Variants in FAM120C observed in about 807,000 individuals in gnomAD.
FAM120C encodes the protein constitutive coactivator of PPAR-gamma-like protein 2.
In FAM120C, 14 loss-of-function variants were observed where a neutral mutation model predicts 71.2. The ratio of observed to expected loss-of-function variants is 0.20; its 90% CI spans 0.13 to 0.31. The LOEUF (loss-of-function observed/expected upper bound fraction) is 0.31, where lower values mean the gene tolerates loss of function less well. Among genes scored for constraint, FAM120C ranks in the 10% least tolerant of loss-of-function variants. The pLI is 1.00. For missense variants in FAM120C, 500 were observed against 879.0 expected, an observed-to-expected ratio of 0.57 and a Z score of 5.45; for synonymous variants, 354 against 353.2, an observed-to-expected ratio of 1.00 and a Z score of -0.03.
chrX:54,079,587 C>T (rs1380869012), intron 15 of FAM120C, among the ~76,000 whole-genome samples: 57 of 112,037 alleles, frequency 5.1e-4, no homozygotes, highest in Non-Finnish European at 6.4e-4. Context: ...TGCCTGAGGT[C>T]GGGAGTTCGA....
chrX:54,159,470 C>T lies in FAM120C; in HGVS notation c.846G>A (p.Trp282Ter). ...GGTTGGTAGTGAGGTTCTTCCCATTCCAGCTCAGTTTCAGAGCATGGGAAC... is the reference window on the plus strand; with the variant it reads ...GGTTGGTAGTGAGGTTCTTCCCATTTCAGCTCAGTTTCAGAGCATGGGAAC... Reference protein sequence around the residue: ...YYSSHALKLSWNGKNLTTNQF... With the variant: ...YYSSHALKLS The change falls in exon 2 of 16, where the codon TGG becomes TGA. Residue 282 changes from tryptophan to a stop codon, truncating the protein, a stop_gained. Transcript: ENST00000375180. LOFTEE classifies it high-confidence loss of function. 8.3e-7 allele frequency: 1 copy of T among 1,211,331 alleles called. No homozygotes were observed. Among genetic ancestry groups the T allele is most frequent in the Non-Finnish European group, 1.1e-6 (1 of 895,384 alleles).
chrX:54,101,392 G>C (rs948741025), intron 10 of FAM120C, among the ~76,000 whole-genome samples: 3 of 111,752 alleles, frequency 2.7e-5, no homozygotes, highest in African/African-American at 6.5e-5. Flanking sequence ...CTGAAGTGCC[G>C]TTAGGGCCTT....
intron 9 of FAM120C, among the ~76,000 whole-genome samples, chrX:54,118,960 C>T (rs1420187081): frequency 3.2e-5 from 1 of 31,117 alleles, no homozygotes; most frequent in Admixed American, 4.7e-4. Flanking sequence ...TGAGAATATG[C>T]GGTGTTTGGT....
intron 9 of FAM120C, among the ~76,000 whole-genome samples, chrX:54,124,682 C>G (rs1219872677): frequency 1.8e-5 from 2 of 108,318 alleles, no homozygotes; most frequent in African/African-American, 3.4e-5. Flanking sequence ...CCGTCTTCTG[C>G]GTCGCTCACG....
At chrX:54,170,982 C>T (rs1422317005) in intron 1 of FAM120C, among the ~76,000 whole-genome samples, 7 of 111,347 alleles carry the variant, frequency 6.3e-5, no homozygotes, top group Non-Finnish European at 3.8e-5. Flanking sequence ...GAAAGGAGGA[C>T]GGGAACTGCA....
At chrX:54,108,173 G>C (rs781823801) in intron 10 of FAM120C, among the ~76,000 whole-genome samples, 3 of 107,886 alleles carry the variant, frequency 2.8e-5, no homozygotes, top group Non-Finnish European at 5.7e-5. Context: ...ACAGAAACTA[G>C]AATATCACAC....
chrX:54,091,263 G>T, intron 11 of FAM120C, 49 bp downstream of exon 11: 1 of 879,589 alleles, frequency 1.1e-6, no homozygotes, highest in Non-Finnish European at 1.7e-6. Flanking sequence ...CTAAAGTAGT[G>T]CCATAAGCTC....
At chrX:54,112,771 G>T (rs2066944105) in intron 10 of FAM120C, among the ~76,000 whole-genome samples, 1 of 107,903 alleles carries the variant, frequency 9.3e-6, no homozygotes, top group South Asian at 4.1e-4. Flanking sequence ...AACCTGGGAG[G>T]CGGAGCTTGC....
rs782133532 is a variant in FAM120C, at chrX:54,138,704, A to G, written c.1159-2114T>C. ...GCTGGGCATGGTGGTGCACGCCTGT[A>G]GTCCCAGCTACTTGGGAGGCTGAGG... On this transcript the variant is annotated intron_variant, in intron 4 of 15. Coordinates refer to ENST00000375180, the MANE Select transcript of FAM120C (RefSeq NM_017848.6). Among the ~76,000 whole-genome samples, 10 of 110,564 alleles carry G rather than the reference A, an allele frequency of 9.0e-5. No homozygotes were observed. The East Asian group carries it at 2.6e-3, about 28-fold the overall frequency.
Position 54,182,956 on chromosome X carries a change from C to G in FAM120C, c.243G>C (p.Pro81=). ...GGTGAGCGGGGTGATGGTGCCGAGT[C>G]GGCCCCGCGCCCCCGGAGTAGGCAC... The part of the protein sequence containing the change: ...ALGAYSGGAG[P]TRHHHPAHHF... The change falls in exon 1 of 16, where the codon CCG becomes CCC. Residue 81 remains proline (P), a synonymous_variant. Transcript: ENST00000375180. 34 of 1,160,886 alleles carry G rather than the reference C, an allele frequency of 2.9e-5. No individual in the cohort carries two copies. The highest frequency in any genetic ancestry group is 3.8e-5 in the Non-Finnish European group (33 of 871,407).
intron 10 of FAM120C, among the ~76,000 whole-genome samples, chrX:54,096,371 A>T (rs2066851735): frequency 9.0e-6 from 1 of 111,638 alleles, no homozygotes; most frequent in Admixed American, 9.6e-5. Context: ...AGATCATGCC[A>T]CTGCACTCCA....
At chrX:54,110,011 C>CTTTTTTTTTT (rs782078837) in intron 10 of FAM120C, among the ~76,000 whole-genome samples, 1 of 61,436 alleles carries the variant, frequency 1.6e-5, no homozygotes, top group African/African-American at 6.5e-5. Flanking sequence ...AGAAAAATAT[C>CTTTTTTTTTT]TTTTTTTTTT....
rs2066784354 is a variant in FAM120C, at chrX:54,084,629, G to C, written c.2839+1086C>G. Among the ~76,000 whole-genome samples, 3 of 109,339 alleles carry C rather than the reference G, an allele frequency of 2.7e-5. 1 individual carries two copies. The South Asian group carries it at 1.2e-3, about 43-fold the overall frequency. 94.9% of individuals were successfully genotyped at this position (109,339 alleles called of 115,157 possible). A position where few individuals can be genotyped will look rare whatever the true frequency, so the allele number is the denominator to read the frequency against. ...AGATCATCTGAGGATGGGAGTTCAAGACCAGCCTGACGAATATGGTAAAAC... is the reference window on the plus strand; with the variant it reads ...AGATCATCTGAGGATGGGAGTTCAACACCAGCCTGACGAATATGGTAAAAC... On this transcript the variant is annotated intron_variant, in intron 13 of 15. Coordinates refer to ENST00000375180, the MANE Select transcript of FAM120C (RefSeq NM_017848.6).
intron 3 of FAM120C, among the ~76,000 whole-genome samples, chrX:54,155,664 A>T (rs201753985): frequency 1.5e-3 from 10 of 6,621 alleles, no homozygotes; most frequent in African/African-American, 0.014. Context: ...AGGCTTTTTT[A>T]AAAAAAAAAT....
chrX:54,139,128 G>A (rs975516301), intron 4 of FAM120C, among the ~76,000 whole-genome samples: 6 of 110,518 alleles, frequency 5.4e-5, no homozygotes, highest in Non-Finnish European at 1.1e-4. Context: ...TAGTTACTAG[G>A]TCAAAGGGTG....
chrX:54,172,649 C>T (rs1193917477), intron 1 of FAM120C, among the ~76,000 whole-genome samples: 2 of 112,051 alleles, frequency 1.8e-5, no homozygotes, highest in Admixed American at 9.5e-5. Flanking sequence ...ATTCTTAACA[C>T]ATAAATCATA....
chrX:54,149,226 T>C (rs886676217), intron 4 of FAM120C, among the ~76,000 whole-genome samples: 5 of 112,439 alleles, frequency 4.4e-5, no homozygotes, highest in Non-Finnish European at 9.4e-5. Context: ...AACTGGCATA[T>C]CCATGCAATG....
intron 1 of FAM120C, among the ~76,000 whole-genome samples, chrX:54,164,035 C>T (rs147233674): frequency 0.026 from 2,893 of 109,185 alleles, 103 homozygotes; most frequent in African/African-American, 0.091. Context: ...CAGGTTTAAG[C>T]GATCCTCCTG....
chrX:54,182,145 T>TCA (rs1347567350), intron 1 of FAM120C, among the ~76,000 whole-genome samples: 4 of 111,842 alleles, frequency 3.6e-5, no homozygotes, highest in Non-Finnish European at 5.6e-5. Flanking sequence ...TAAAGGCATT[T>TCA]CAGTTTGAGG....
Sources: gnomAD v4.1 joint callset for allele counts (sites outside exome capture counted in the v4.1 genomes callset) on GRCh38, gnomAD v4.1.1 for gene constraint, MANE v1.5 for transcripts, NCBI Gene and HGNC (gene_info 2026-07-23, HGNC 2026-07-21) for gene names.